Variants in PLB1 observed in about 807,000 individuals in gnomAD.
PLB1 encodes phospholipase B1, also known as phospholipase B1, membrane-associated.
PLB1 carries 242 observed loss-of-function variants against 227.4 expected under a neutral mutation model. The ratio of observed to expected loss-of-function variants is 1.06; its 90% confidence interval spans 0.96 to 1.18. The LOEUF (loss-of-function observed/expected upper bound fraction) is 1.18, where lower values mean the gene tolerates loss of function less well. Among genes scored for constraint, PLB1 ranks in the 50% most tolerant of loss-of-function variants. The pLI, the probability that PLB1 is intolerant of heterozygous loss-of-function variation, is 0.00. For synonymous variants in PLB1, 757 were observed against 682.2 expected (o/e 1.11, Z -1.71); for missense variants, 1,858 against 1,816.3 (o/e 1.02, Z -0.42).
chr2:28,639,941 C>T (rs1689784893), intron 56 of PLB1, among the ~76,000 whole-genome samples: 1 of 152,234 alleles, frequency 6.6e-6, no homozygotes, highest in Non-Finnish European at 1.5e-5. Context: ...TCGTTACCAG[C>T]AGAGCCTGGA....
chr2:28,514,761 C>G (rs912207521), intron 1 of PLB1, among the ~76,000 whole-genome samples: 12 of 152,190 alleles, frequency 7.9e-5, no homozygotes, highest in African/African-American at 2.9e-4. Flanking sequence ...AAGCATGGCT[C>G]ATGGAGTCAG....
rs1446639617 is a variant in PLB1 at position 28,628,644 on chromosome 2, C to T, written c.3726+16C>T. On this transcript the variant is annotated intron_variant, in intron 52 of 57. Transcript: ENST00000327757. Reference sequence around the variant, plus strand: ...CTCTGAGGAGGTAGGAGAGGGGTTACGTGTTCCTGGGTCCCGCCAGCCACC... The same window carrying T: ...CTCTGAGGAGGTAGGAGAGGGGTTATGTGTTCCTGGGTCCCGCCAGCCACC... 28 of 1,613,636 alleles carry T rather than the reference C, an allele frequency of 1.7e-5. No individual in the cohort carries two copies. The highest frequency in any genetic ancestry group is 2.1e-5 in the Non-Finnish European group (25 of 1,179,582).
At chr2:28,547,202 C>CAAA (rs531346408) in intron 14 of PLB1, among the ~76,000 whole-genome samples, 1,162 of 99,566 alleles carry the variant, frequency 0.012, 23 homozygotes, top group Middle Eastern at 0.035. Flanking sequence ...ACCCTGTCTC[C>CAAA]AAAAAAAAAA....
intron 17 of PLB1, among the ~76,000 whole-genome samples, chr2:28,554,468 A>G (rs1239891144): frequency 7.7e-6 from 1 of 130,634 alleles, no homozygotes; most frequent in African/African-American, 2.9e-5. Flanking sequence ...CTAGGACTAC[A>G]GGCATTATCA....
intron 21 of PLB1, among the ~76,000 whole-genome samples, chr2:28,573,890 G>A (rs540791037): frequency 6.6e-6 from 1 of 152,366 alleles, no homozygotes; most frequent in South Asian, 2.1e-4. Context: ...TAGTGTACAC[G>A]TGACACACGT....
intron 56 of PLB1, chr2:28,633,442 CAT>C (rs1688926521): frequency 5.3e-6 from 1 of 189,564 alleles, no homozygotes; most frequent in Non-Finnish European, 1.1e-5. Flanking sequence ...TCAGACAACG[CAT>C]TGAGATCATG....
chr2:28,601,217 T>G (rs1312499904), intron 36 of PLB1, 35 bp from the exon 37 acceptor site: 1 of 1,535,680 alleles, frequency 6.5e-7, no homozygotes, highest in Admixed American at 1.7e-5. Context: ...ATTTCCTTGT[T>G]GGAAATTATC....
chr2:28,561,032 G>A (rs151081327), intron 17 of PLB1, among the ~76,000 whole-genome samples: 46 of 152,212 alleles, frequency 3.0e-4, no homozygotes, highest in African/African-American at 1.1e-3. Flanking sequence ...ATTCAAATGC[G>A]ACCTTCTCCA....
intron 17 of PLB1, among the ~76,000 whole-genome samples, chr2:28,561,679 C>T (rs111573092): frequency 0.18 from 28,072 of 152,036 alleles, 2,772 homozygotes; most frequent in Middle Eastern, 0.25. Context: ...TCACTTGAGG[C>T]CAGGAGTTCG....
chr2:28,575,902 G>A (rs1678847735), intron 21 of PLB1, among the ~76,000 whole-genome samples: 1 of 152,098 alleles, frequency 6.6e-6, no homozygotes, highest in Non-Finnish European at 1.5e-5. Flanking sequence ...CTTTTGATGG[G>A]GATAGGATTA....
At chr2:28,604,795 G>T in intron 41 of PLB1, 36 bp downstream of exon 41, 1 of 1,576,794 alleles carries the variant, frequency 6.3e-7, no homozygotes, top group South Asian at 1.1e-5. Context: ...TACTCTTTTA[G>T]AGGAAGAAAT....
intron 53 of PLB1, among the ~76,000 whole-genome samples, chr2:28,629,988 G>T (rs4555300): frequency 0.22 from 34,201 of 152,084 alleles, 4,112 homozygotes; most frequent in East Asian, 0.35. Flanking sequence ...TCCCATTTTT[G>T]CAGGGAACCC....
intron 21 of PLB1, among the ~76,000 whole-genome samples, chr2:28,574,523 C>T (rs1678589012): frequency 6.7e-6 from 1 of 150,212 alleles, no homozygotes; most frequent in South Asian, 2.1e-4. Flanking sequence ...GCTGGGATCA[C>T]AGGCACACAT....
At position 28,518,492 on chromosome 2, in the gene PLB1, C is replaced by A; in HGVS notation, c.144C>A (p.Cys48Ter). 3.7e-6 allele frequency: 6 copies of A among 1,613,092 alleles called. No homozygotes were observed. The highest frequency in any genetic ancestry group is 5.1e-6 in the Non-Finnish European group (6 of 1,179,054). ...CCCTGAAGAATTCTCCATTCCCATG[C>A]AACCCAAATAAATTAGGAGTGAATA... ...PETLKNSPFPCNPNKLGVNMP... is the reference protein window; with the variant it reads ...PETLKNSPFP The change falls in exon 3 of 58, where the codon TGC becomes TGA. Residue 48 changes from cysteine to a stop codon, truncating the protein, a stop_gained. Coordinates refer to ENST00000327757, the MANE Select transcript of PLB1 (RefSeq NM_153021.5). LOFTEE classifies it high-confidence loss of function.
chr2:28,553,207 G>A (rs969434494), intron 17 of PLB1, among the ~76,000 whole-genome samples: 7 of 152,312 alleles, frequency 4.6e-5, no homozygotes, highest in Admixed American at 3.3e-4. Flanking sequence ...CAGTAACCCT[G>A]TACCAGGCCA....
intron 1 of PLB1, among the ~76,000 whole-genome samples, chr2:28,505,284 C>T (rs72784890): frequency 2.6e-5 from 4 of 152,226 alleles, no homozygotes; most frequent in Non-Finnish European, 5.9e-5. Flanking sequence ...TAATAGAGCT[C>T]GAGAGAAGAA....
rs753753162 is a variant in PLB1 at position 28,640,913 on chromosome 2, TTC to T, written c.4099-5_4099-4del. 6 of 1,611,446 alleles carry T rather than the reference TTC, an allele frequency of 3.7e-6. No homozygotes were observed. The South Asian group carries it at 5.5e-5, about 15-fold the overall frequency. On this transcript the variant is annotated splice_polypyrimidine_tract_variant and intron_variant, in intron 56 of 57. Coordinates refer to ENST00000327757, the MANE Select transcript of PLB1 (RefSeq NM_153021.5). The stretch of plus-strand genomic sequence containing the variant: ...GCTTTGGAGAGAATCGAGGTGTCCT[TTC>T]TCTCTCTCCAGCTGGAACCAGTGGG...
chr2:28,586,657 G>T (rs1373213098), intron 26 of PLB1, among the ~76,000 whole-genome samples: 2 of 152,196 alleles, frequency 1.3e-5, no homozygotes, highest in Non-Finnish European at 2.9e-5. Flanking sequence ...TCAGGGAAAT[G>T]AACCTGTATT....
chr2:28,501,980 G>A (rs1280716371), intron 1 of PLB1, among the ~76,000 whole-genome samples: 3 of 152,100 alleles, frequency 2.0e-5, no homozygotes, highest in African/African-American at 7.2e-5. Flanking sequence ...ATCTAACTTA[G>A]GATAAATTCC....
Sources: allele counts gnomAD v4.1 joint callset (sites outside exome capture counted in the v4.1 genomes callset), GRCh38; gene constraint gnomAD v4.1.1; transcripts MANE v1.5; gene names NCBI Gene and HGNC (gene_info 2026-07-23, HGNC 2026-07-21).